ATP6V0E1: variants seen among roughly 807,000 people sequenced by gnomAD.
The protein encoded by ATP6V0E1 is ATPase H+ transporting V0 subunit e1, also known as V-type proton ATPase subunit e 1.
A neutral mutation model predicts 11.6 loss-of-function variants in ATP6V0E1; 4 were observed. That is an observed-to-expected ratio of 0.35 (90% CI 0.17 to 0.79). The LOEUF is 0.79. Ranked by LOEUF, ATP6V0E1 falls within the 30% of genes least tolerant of loss-of-function variation. The pLI is 0.54. For synonymous variants in ATP6V0E1, 36 were observed against 34.8 expected, an observed-to-expected ratio of 1.04 and a Z score of -0.13; for missense variants, 105 against 100.0, an observed-to-expected ratio of 1.05 and a Z score of -0.21.
At chr5:173,012,087 AGT>A (rs1756334813) in intron 2 of ATP6V0E1, among the ~76,000 whole-genome samples, 1 of 148,054 alleles carries the variant, frequency 6.8e-6, no homozygotes, top group African/African-American at 2.5e-5. Flanking sequence ...GCTGGAGTGC[AGT>A]GGCCCGATCT....
chr5:173,032,794 TC>T (rs1227419631), intron 3 of ATP6V0E1, among the ~76,000 whole-genome samples: 22 of 152,258 alleles, frequency 1.4e-4, no homozygotes, highest in African/African-American at 4.8e-4. Flanking sequence ...TTCAGTATTC[TC>T]AGATAAAATT....
intron 2 of ATP6V0E1, among the ~76,000 whole-genome samples, chr5:172,996,633 G>A (rs1756071827): frequency 6.6e-6 from 1 of 151,630 alleles, no homozygotes; most frequent in Admixed American, 6.6e-5. Flanking sequence ...GCTATGATTA[G>A]GAATCTGATC....
chr5:173,000,128 T>G (rs1756131795), intron 2 of ATP6V0E1, among the ~76,000 whole-genome samples: 4 of 152,194 alleles, frequency 2.6e-5, no homozygotes, highest in Admixed American at 6.5e-5. Context: ...CATGGACTTT[T>G]AAATTGCCTT....
At chr5:173,012,038 AT>A (rs34022628) in intron 2 of ATP6V0E1, among the ~76,000 whole-genome samples, 2,373 of 138,610 alleles carry the variant, frequency 0.017, 25 homozygotes, top group South Asian at 0.047. Flanking sequence ...TCCTAGGTAA[AT>A]TTTTTTTTTT....
At chr5:173,014,478 TCAAC>T (rs1214300241) in intron 2 of ATP6V0E1, among the ~76,000 whole-genome samples, 1 of 152,100 alleles carries the variant, frequency 6.6e-6, no homozygotes, top group African/African-American at 2.4e-5. Context: ...TAAGTGTCTG[TCAAC>T]AGATGAACGC....
At position 173,020,386 on chromosome 5, in the gene ATP6V0E1, T is replaced by A; in HGVS notation, c.*36+19T>A. Reference sequence around the variant, plus strand: ...CTTTGAGGTGACTATGCTTGTGACCTTTCTTATCAGTATGGTCAGGCAGTC... The same window carrying A: ...CTTTGAGGTGACTATGCTTGTGACCATTCTTATCAGTATGGTCAGGCAGTC... On this transcript the variant is annotated intron_variant, in intron 3 of 3. Transcript: ENST00000519374. The A allele has an allele frequency of 2.1e-6, 3 of 1,402,250 alleles. No individual in the cohort carries two copies. The highest frequency in any genetic ancestry group is 3.0e-6 in the Non-Finnish European group (3 of 994,876). The allele number at this position is 1,402,250 out of a possible 1,614,324, so 86.9% of individuals were successfully genotyped here.
chr5:172,991,150 G>C (rs1279238716), intron 1 of ATP6V0E1, among the ~76,000 whole-genome samples: 1 of 152,054 alleles, frequency 6.6e-6, no homozygotes, highest in Non-Finnish European at 1.5e-5. Flanking sequence ...TTTCAAACAT[G>C]TAGAAAAGTA....
At chr5:173,011,175 C>CT (rs754605378) in intron 2 of ATP6V0E1, among the ~76,000 whole-genome samples, 13,576 of 114,376 alleles carry the variant, frequency 0.12, 1,184 homozygotes, top group Non-Finnish European at 0.16. Flanking sequence ...CCTGATTTAT[C>CT]TTTTTTTTTT....
chr5:173,025,431 C>T (rs1408696468), intron 3 of ATP6V0E1, among the ~76,000 whole-genome samples: 1 of 151,176 alleles, frequency 6.6e-6, no homozygotes, highest in Non-Finnish European at 1.5e-5. Flanking sequence ...AGGTATGAGC[C>T]ACCATGCCTG....
rs571285664 is a variant in ATP6V0E1 at position 172,991,003 on chromosome 5, G to A, written c.105-3772G>A. On this transcript the variant is annotated intron_variant, in intron 1 of 3. Coordinates refer to ENST00000519374, the MANE Select transcript of ATP6V0E1 (RefSeq NM_003945.4). Reference sequence around the variant, plus strand: ...AGTCTCCCTGCGTTGCCAAGGCCTCGAGTGCAGTAGCGTGCTCATATCTCA... The same window carrying A: ...AGTCTCCCTGCGTTGCCAAGGCCTCAAGTGCAGTAGCGTGCTCATATCTCA... 5.3e-5 allele frequency among the ~76,000 whole-genome samples: 8 copies of A among 151,982 alleles called. No individual in the cohort carries two copies. The South Asian group carries it at 1.5e-3, about 28-fold the overall frequency.
chr5:173,008,163 G>A (rs764091198), intron 2 of ATP6V0E1, among the ~76,000 whole-genome samples: 44 of 152,120 alleles, frequency 2.9e-4, no homozygotes, highest in Non-Finnish European at 5.0e-4. Context: ...TAATTCACTT[G>A]TTTATCACAG....
intron 2 of ATP6V0E1, among the ~76,000 whole-genome samples, chr5:173,006,363 C>T (rs1756230137): frequency 6.6e-6 from 1 of 152,146 alleles, no homozygotes; most frequent in Admixed American, 6.5e-5. Flanking sequence ...GTAATCCCAG[C>T]ACTTTGGGAG....
intron 2 of ATP6V0E1, among the ~76,000 whole-genome samples, chr5:172,998,224 A>C (rs1756097454): frequency 8.4e-6 from 1 of 119,180 alleles, no homozygotes; most frequent in Non-Finnish European, 1.7e-5. Context: ...TTAGAGTGTT[A>C]AAAGAAGCTT....
At chr5:173,013,600 A>G (rs1756363312) in intron 2 of ATP6V0E1, among the ~76,000 whole-genome samples, 1 of 151,252 alleles carries the variant, frequency 6.6e-6, no homozygotes, top group Admixed American at 6.6e-5. Context: ...AAAAAGAGAC[A>G]ACTTGTTGAA....
chr5:173,020,832 G>A (rs751405612), intron 3 of ATP6V0E1: 1 of 519,952 alleles, frequency 1.9e-6, no homozygotes, highest in Non-Finnish European at 3.8e-6. Context: ...CACTGTTCTG[G>A]TGGCGTCTGG....
chr5:172,984,275 A>G (rs908530930), intron 1 of ATP6V0E1, among the ~76,000 whole-genome samples: 2 of 152,140 alleles, frequency 1.3e-5, no homozygotes, highest in Non-Finnish European at 2.9e-5. Context: ...ATCTGGGAGA[A>G]ACTGGGGTTT....
At chr5:172,991,097 G>A (rs1213158313) in intron 1 of ATP6V0E1, among the ~76,000 whole-genome samples, 3 of 152,092 alleles carry the variant, frequency 2.0e-5, no homozygotes, top group Non-Finnish European at 4.4e-5. Context: ...GGGACTATAG[G>A]CATGCTACTG....
Position 173,020,359 on chromosome 5 carries a change from G to T in ATP6V0E1, c.*28G>T, listed in dbSNP as rs1224894317. The T allele has an allele frequency of 1.3e-5, 20 of 1,535,862 alleles. No homozygotes were observed. In the East Asian group the frequency reaches 4.5e-4, roughly 35 times the overall value. On this transcript the variant is annotated 3_prime_UTR_variant, in exon 3 of 4. Transcript: ENST00000519374. ...AAGAAGACATGCTCTACAGTGCTCA[G>T]TCTTTGAGGTGACTATGCTTGTGAC...
At chr5:172,994,871 C>A in intron 2 of ATP6V0E1, 49 bp downstream of exon 2, 1 of 1,408,008 alleles carries the variant, frequency 7.1e-7, no homozygotes, top group Non-Finnish European at 9.8e-7. Flanking sequence ...GTAGTGTGTG[C>A]GATTTACACA....
Sources: allele counts gnomAD v4.1 joint callset (sites outside exome capture counted in the v4.1 genomes callset), GRCh38; gene constraint gnomAD v4.1.1; transcripts MANE v1.5; gene names NCBI Gene and HGNC (gene_info 2026-07-23, HGNC 2026-07-21).